NDUFS8: variants seen among roughly 807,000 people sequenced by gnomAD.
The protein encoded by NDUFS8 is NADH dehydrogenase [ubiquinone] iron-sulfur protein 8, mitochondrial.
In NDUFS8, 13 loss-of-function variants were observed where a neutral mutation model predicts 25.6. The observed-to-expected ratio is 0.51, with a 90% CI of 0.33 to 0.81. The LOEUF (loss-of-function observed/expected upper bound fraction) is 0.81. Among genes scored for constraint, NDUFS8 ranks in the 30% least tolerant of loss-of-function variants. The pLI is 0.02. For missense variants in NDUFS8, 257 were observed against 300.9 expected (o/e 0.85, Z 1.08); for synonymous variants, 119 against 119.4 (o/e 1.00, Z 0.02).
At chr11:68,035,518 C>A in intron 5 of NDUFS8, 1 of 261,294 alleles carries the variant, frequency 3.8e-6, no homozygotes, top group Non-Finnish European at 7.9e-6. Context: ...AAAATGACAT[C>A]AGTGAGCTTG....
intron 3 of NDUFS8, 150 bp downstream of exon 3, chr11:68,032,486 G>A (rs747127279): frequency 2.2e-5 from 34 of 1,531,018 alleles, no homozygotes; most frequent in Non-Finnish European, 2.9e-5. Flanking sequence ...GATGGAGACT[G>A]ACTCTGATTC....
intron 3 of NDUFS8, 171 bp from the exon 4 acceptor site, chr11:68,032,752 A>G (rs1238887246): frequency 1.2e-6 from 1 of 831,440 alleles, no homozygotes; most frequent in Non-Finnish European, 1.9e-6. Context: ...CTCAGGCCAG[A>G]GGCGGCCTCC....
Position 68,036,614 on chromosome 11 carries a change from C to T in NDUFS8, c.*21C>T. ...GGTGACGCCCCACCGGCCCGCAGCC[C>T]CTGCTGCCCAATAAAACCACTCCGA... On this transcript the variant is annotated 3_prime_UTR_variant, in exon 7 of 7. Transcript: ENST00000313468. 1 of 1,612,824 alleles carries T rather than the reference C, an allele frequency of 6.2e-7. No homozygotes were observed. Among genetic ancestry groups the T allele is most frequent in the Non-Finnish European group, 8.5e-7 (1 of 1,179,916 alleles).
intron 5 of NDUFS8, chr11:68,035,825 C>T (rs1854875509): frequency 2.4e-6 from 1 of 416,012 alleles, no homozygotes; most frequent in African/African-American, 2.1e-5. Flanking sequence ...CGAGACCATC[C>T]TGGTCTACAT....
At chr11:68,033,387 C>A in intron 5 of NDUFS8, 104 bp downstream of exon 5, 1 of 1,344,824 alleles carries the variant, frequency 7.4e-7, no homozygotes, top group East Asian at 2.5e-5. Flanking sequence ...ATGTGCGTCC[C>A]CAGGAAGTCC....
Position 68,032,117 on chromosome 11 carries a change from C to T in NDUFS8, c.1-35C>T, listed in dbSNP as rs117961226. The T allele has an allele frequency of 0.02, 32,851 of 1,611,674 alleles. 432 individuals carry two copies. Among genetic ancestry groups the T allele is most frequent in the Non-Finnish European group, 0.023 (27,690 of 1,179,740 alleles). On this transcript the variant is annotated intron_variant, in intron 1 of 6. Coordinates refer to ENST00000313468, the MANE Select transcript of NDUFS8 (RefSeq NM_002496.4). The stretch of plus-strand genomic sequence containing the variant: ...GTCTCAGAAGAGGATGGTTCTTGGG[C>T]ACACCCCACCCTCCATCCCTTTTTA...
Position 68,036,274 on chromosome 11 carries a change from C to T in NDUFS8, c.394C>T (p.Pro132Ser), listed in dbSNP as rs779770634. The T allele has an allele frequency of 6.2e-7, 1 of 1,612,906 alleles. No homozygotes were observed. The highest frequency in any genetic ancestry group is 1.7e-5 in the Admixed American group (1 of 60,008). ...GCAGGCCATCACCATCGAGGCTGAGCCAAGAGCTGATGGCAGCCGCCGGAC... is the reference window on the plus strand; with the variant it reads ...GCAGGCCATCACCATCGAGGCTGAGTCAAGAGCTGATGGCAGCCGCCGGAC... ...PAQAITIEAE[P>S]RADGSRRTTR... Residue 132 changes from proline to serine, a missense_variant, in exon 6 of 7, where the codon CCA becomes TCA. By Grantham distance (74) the Pro-to-Ser change is moderately conservative. Coordinates refer to ENST00000313468, the MANE Select transcript of NDUFS8 (RefSeq NM_002496.4).
At position 68,033,228 on chromosome 11, in the gene NDUFS8, C is replaced by G; in HGVS notation, c.317C>G (p.Ser106Cys). 5.0e-6 allele frequency: 8 copies of G among 1,611,794 alleles called. No homozygotes were observed. The highest frequency in any genetic ancestry group is 1.1e-5 in the South Asian group (1 of 90,848). ...RGEHALRRYPSGEERCIACKL... is the reference protein window; with the variant it reads ...RGEHALRRYPCGEERCIACKL... The stretch of plus-strand genomic sequence containing the variant: ...GAGCATGCGCTGCGCCGGTACCCAT[C>G]CGGGGAGGAGCGTTGCATTGCCTGC... The change falls in exon 5 of 7, where the codon TCC becomes TGC. Residue 106 changes from serine (S) to cysteine (C), a missense_variant. By Grantham distance (112) the Ser-to-Cys change is moderately radical (BLOSUM62 -1). Transcript: ENST00000313468.
chr11:68,031,730 G>A (rs1458137497), intron 1 of NDUFS8: 3 of 336,956 alleles, frequency 8.9e-6, no homozygotes, highest in South Asian at 2.4e-5. Context: ...GGATGGCAGC[G>A]CTTTCCACCC....
intron 1 of NDUFS8, among the ~76,000 whole-genome samples, 178 bp from the exon 2 acceptor site, chr11:68,031,974 A>T (rs924043823): frequency 1.3e-5 from 2 of 152,236 alleles, no homozygotes; most frequent in South Asian, 4.1e-4. Context: ...GCTGAATCAG[A>T]TGGAAAGCTG....
rs369602258 is a variant in NDUFS8, at chr11:68,032,291, C to T, written c.64C>T (p.Pro22Ser). 1.2e-4 allele frequency: 187 copies of T among 1,613,830 alleles called. No individual in the cohort carries two copies. The highest frequency in any genetic ancestry group is 7.5e-4 in the South Asian group (68 of 91,064). Residue 22 changes from proline to serine, a missense_variant, in exon 3 of 7, where the codon CCT (proline) becomes TCT (serine). Pro to Ser is a moderately conservative substitution (Grantham distance 74, BLOSUM62 -1). Transcript: ENST00000313468. ...TCACGCCCTTCTTTTTGCAGGACCT[C>T]CTGGTGGCCGGAGCCTCCACAGCAG... ...ALAQAARAGP[P>S]GGRSLHSSAV...
Position 68,032,183 on chromosome 11 carries a change from G to A in NDUFS8, c.32G>A (p.Arg11Gln), listed in dbSNP as rs763234032. Residue 11 changes from arginine (R) to glutamine (Q), a missense_variant, in exon 2 of 7, where the codon CGG becomes CAG. Arg to Gln is a conservative substitution (Grantham distance 43). Coordinates refer to ENST00000313468, the MANE Select transcript of NDUFS8 (RefSeq NM_002496.4). ...TGCCTGACCACGCCTATGCTGCTGC[G>A]GGCCCTGGCCCAGGCTGCACGTGCA... Reference protein sequence around the residue: MRCLTTPMLLRALAQAARAGP... With the variant: MRCLTTPMLLQALAQAARAGP... 105 of 1,613,002 alleles carry A rather than the reference G, an allele frequency of 6.5e-5. No individual in the cohort carries two copies. The South Asian group carries it at 8.6e-4, about 13-fold the overall frequency.
At chr11:68,031,492 G>A (rs1461231666) in intron 1 of NDUFS8, 1 of 165,658 alleles carries the variant, frequency 6.0e-6, no homozygotes, top group Non-Finnish European at 1.3e-5. Flanking sequence ...GATTATAAGT[G>A]CCCACCACCA....
At chr11:68,034,201 G>A (rs1297800972) in intron 5 of NDUFS8, 1 of 152,686 alleles carries the variant, frequency 6.5e-6, no homozygotes, top group East Asian at 1.9e-4. Context: ...ACATTTCTGG[G>A]ATGGGGGCAT....
chr11:68,031,026 AG>A, intron 1 of NDUFS8: 1 of 348,478 alleles, frequency 2.9e-6, no homozygotes, highest in Non-Finnish European at 5.9e-6. Flanking sequence ...TGGGCCTGTT[AG>A]GGGGTTCACA....
At chr11:68,030,937 G>A (rs1197702258) in intron 1 of NDUFS8, 2 of 442,720 alleles carry the variant, frequency 4.5e-6, no homozygotes, top group Admixed American at 2.4e-5. Flanking sequence ...CACCGGCCTA[G>A]TTAGGGTCGG....
chr11:68,033,117 G>C lies in NDUFS8; in HGVS notation c.206G>C (p.Gly69Ala). 1 of 1,613,008 alleles carries C rather than the reference G, an allele frequency of 6.2e-7. No individual in the cohort carries two copies. The highest frequency in any genetic ancestry group is 8.5e-7 in the Non-Finnish European group (1 of 1,179,814). Residue 69 changes from glycine to alanine, a missense_variant, in exon 5 of 7, where the codon GGC (glycine) becomes GCC (alanine). Physicochemically the swap from Gly to Ala is moderately conservative, Grantham distance 60. Coordinates refer to ENST00000313468, the MANE Select transcript of NDUFS8 (RefSeq NM_002496.4). The part of the protein sequence containing the change: ...LLWTELFRGL[G>A]MTLSYLFREP... ...ACACCCGTGCTGCCCACAGGCCTGG[G>C]CATGACCCTGAGCTACCTGTTCCGG... is the stretch of plus-strand genomic sequence containing the variant.
intron 3 of NDUFS8, 89 bp from the exon 4 acceptor site, chr11:68,032,834 G>A (rs1314465078): frequency 7.7e-6 from 10 of 1,298,240 alleles, no homozygotes; most frequent in Non-Finnish European, 1.1e-5. Flanking sequence ...GTTGCACCTG[G>A]AAGTGAGGGC....
At chr11:68,032,512 A>G (rs1391970571) in intron 3 of NDUFS8, 176 bp downstream of exon 3, 9 of 1,510,780 alleles carry the variant, frequency 6.0e-6, no homozygotes, top group Middle Eastern at 2.3e-4. Context: ...GGCAGGGTCC[A>G]TCATTGCCGA....
Sources: allele counts gnomAD v4.1 joint callset (sites outside exome capture counted in the v4.1 genomes callset), GRCh38; gene constraint gnomAD v4.1.1; transcripts MANE v1.5; gene names NCBI Gene and HGNC (gene_info 2026-07-23, HGNC 2026-07-21).